Variants in UBXN2A observed in about 807,000 individuals in gnomAD.
UBXN2A encodes UBX domain protein 2A.
Under a neutral mutation model 28.4 loss-of-function variants are expected in UBXN2A, and 28 were observed. The ratio of observed to expected loss-of-function variants is 0.99; its 90% CI spans 0.73 to 1.35. UBXN2A has a LOEUF of 1.35. Ranked by LOEUF, UBXN2A falls within the 40% of genes most tolerant of loss-of-function variation. UBXN2A has a pLI of 0.00. For synonymous variants in UBXN2A, 97 were observed against 103.6 expected (o/e 0.94, Z 0.39); for missense variants, 253 against 297.9 (o/e 0.85, Z 1.11).
chr2:23,958,705 T>A (rs1484318867), intron 2 of UBXN2A, among the ~76,000 whole-genome samples: 3 of 152,250 alleles, frequency 2.0e-5, no homozygotes, highest in African/African-American at 7.2e-5. Flanking sequence ...AAACCTAGGC[T>A]TGAATCCCGT....
intron 6 of UBXN2A, chr2:23,996,989 T>A (rs1212662288): frequency 6.6e-6 from 1 of 152,168 alleles, no homozygotes. Flanking sequence ...CTGATTGCCA[T>A]AGCACACTAC....
chr2:23,970,196 ATTGG>A (rs2150865063), intron 2 of UBXN2A, among the ~76,000 whole-genome samples: 1 of 152,198 alleles, frequency 6.6e-6, no homozygotes, highest in Non-Finnish European at 1.5e-5. Flanking sequence ...AAGTGGGAAG[ATTGG>A]TTGAGCCCTG....
intron 6 of UBXN2A, among the ~76,000 whole-genome samples, chr2:23,996,501 A>T (rs1708538328): frequency 7.7e-6 from 1 of 129,608 alleles, no homozygotes; most frequent in African/African-American, 2.9e-5. Flanking sequence ...TTTAAGATAG[A>T]GTTTCGCTCT....
At chr2:23,963,558 C>T (rs1707032538) in intron 2 of UBXN2A, among the ~76,000 whole-genome samples, 1 of 151,590 alleles carries the variant, frequency 6.6e-6, no homozygotes, top group Non-Finnish European at 1.5e-5. Context: ...TGTTCAGTGT[C>T]ACTAGTAATC....
At position 23,983,807 on chromosome 2, in the gene UBXN2A, C is replaced by T. The variant is rs183606392; in HGVS notation, c.425+774C>T. On this transcript the variant is annotated intron_variant, in intron 5 of 6. Transcript: ENST00000309033. ...CCTCCTGCCTCAGCCCCTCTAGTAG[C>T]TGGGATTACAGGCATACACCACCAC... Among the ~76,000 whole-genome samples, 310 of 152,174 alleles carry T rather than the reference C, an allele frequency of 2.0e-3. 1 individual carries two copies. Among genetic ancestry groups the T allele is most frequent in the Non-Finnish European group, 3.5e-3 (238 of 68,008 alleles).
At chr2:23,982,517 G>A (rs1239218156) in intron 4 of UBXN2A, among the ~76,000 whole-genome samples, 1 of 151,278 alleles carries the variant, frequency 6.6e-6, no homozygotes, top group Admixed American at 6.6e-5. Context: ...CATGCTGGTT[G>A]GGGGGCAGTG....
intron 6 of UBXN2A, among the ~76,000 whole-genome samples, chr2:23,992,931 T>C (rs1708404553): frequency 6.6e-6 from 1 of 152,212 alleles, no homozygotes; most frequent in Admixed American, 6.5e-5. Context: ...TATTAGTTTC[T>C]GGTTTTGTGG....
intron 2 of UBXN2A, among the ~76,000 whole-genome samples, chr2:23,965,786 C>T (rs72798417): frequency 0.12 from 18,328 of 152,188 alleles, 1,196 homozygotes; most frequent in Middle Eastern, 0.21. Context: ...AGAGAATTGG[C>T]ATCATTTCTT....
At chr2:23,938,058 G>T (rs902005645), upstream of UBXN2A, among the ~76,000 whole-genome samples, 2 of 152,188 alleles carry the variant, frequency 1.3e-5, no homozygotes, top group Non-Finnish European at 2.9e-5. Flanking sequence ...TATGCTGTAA[G>T]TCATGGACCG....
At chr2:23,968,061 A>G (rs1707247365) in intron 2 of UBXN2A, among the ~76,000 whole-genome samples, 1 of 152,048 alleles carries the variant, frequency 6.6e-6, no homozygotes, top group Non-Finnish European at 1.5e-5. Flanking sequence ...TCACTCCTCA[A>G]GTGACTACAG....
At chr2:23,954,755 TC>T (rs1392997137) in intron 1 of UBXN2A, among the ~76,000 whole-genome samples, 6 of 150,790 alleles carry the variant, frequency 4.0e-5, no homozygotes, top group Non-Finnish European at 8.9e-5. Context: ...TTTTTGCATA[TC>T]TTTTTTTTTT....
upstream of UBXN2A, among the ~76,000 whole-genome samples, chr2:23,938,830 G>A (rs995860988): frequency 1.3e-5 from 2 of 152,136 alleles, no homozygotes; most frequent in Non-Finnish European, 2.9e-5. Flanking sequence ...TTTGACAAGG[G>A]AAGAATCCTC....
intron 1 of UBXN2A, among the ~76,000 whole-genome samples, chr2:23,946,539 T>C (rs1056622388): frequency 4.6e-5 from 7 of 151,632 alleles, no homozygotes; most frequent in Admixed American, 6.6e-5. Context: ...GCCAGGATGG[T>C]CTCCATCTCC....
rs140998712 is a variant in UBXN2A, at chr2:23,992,540, C to T, written c.585-7132C>T. ...ACCTCGGAAAGGAAGGTTTTATGAC[C>T]TACTTCAGAGGAAGGACAGATAATT... On this transcript the variant is annotated intron_variant, in intron 6 of 6. Transcript: ENST00000309033. Among the ~76,000 whole-genome samples, 135 of 152,284 alleles carry T rather than the reference C, an allele frequency of 8.9e-4. 1 individual carries two copies. In the East Asian group the frequency reaches 0.023, roughly 26 times the overall value.
At position 23,971,397 on chromosome 2, in the gene UBXN2A, G is replaced by A. The variant is rs772925376; in HGVS notation, c.163G>A (p.Ala55Thr). ...GGTTAGTTCCAAATGTGTGTCTCCC[G>A]CTGAACAGAAGAAACAGGTAAATAA... Reference protein sequence around the residue: ...QKVSSKCVSPAEQKKQVDVNI... With the variant: ...QKVSSKCVSPTEQKKQVDVNI... Residue 55 changes from alanine to threonine, a missense_variant, in exon 3 of 7, where the codon GCT becomes ACT. Coordinates refer to ENST00000309033, the MANE Select transcript of UBXN2A (RefSeq NM_181713.4). 1.6e-5 allele frequency: 24 copies of A among 1,547,326 alleles called. No homozygotes were observed. The African/African-American group carries it at 2.2e-4, about 14-fold the overall frequency.
At chr2:23,988,730 G>T (rs941756598) in intron 6 of UBXN2A, among the ~76,000 whole-genome samples, 75 of 152,010 alleles carry the variant, frequency 4.9e-4, no homozygotes, top group Non-Finnish European at 9.0e-4. Flanking sequence ...TACTTATGTT[G>T]CTCACAAGAC....
chr2:23,945,576 C>T (rs984992082), intron 1 of UBXN2A, among the ~76,000 whole-genome samples: 3 of 151,884 alleles, frequency 2.0e-5, no homozygotes, highest in African/African-American at 4.8e-5. Flanking sequence ...TCTTTTCCCT[C>T]GTGTTTAATA....
chr2:23,974,299 G>A (rs1251586293), intron 3 of UBXN2A, among the ~76,000 whole-genome samples: 2 of 150,176 alleles, frequency 1.3e-5, no homozygotes, highest in Non-Finnish European at 3.0e-5. Flanking sequence ...TTACAGACTT[G>A]AGCCACCGTG....
rs184506495 is a variant in UBXN2A, at chr2:23,962,588, T to G, written c.41+4233T>G. Among the ~76,000 whole-genome samples, 3 of 151,812 alleles carry G rather than the reference T, an allele frequency of 2.0e-5. No homozygotes were observed. In the East Asian group the frequency reaches 5.8e-4, roughly 29 times the overall value. ...GCAATTTACAAAAGTAAGAGGTTTT[T>G]TTTTCCTTTTTTTATTCTTTTTTTT... is the stretch of plus-strand genomic sequence containing the variant. On this transcript the variant is annotated intron_variant, in intron 2 of 6. Coordinates refer to ENST00000309033, the MANE Select transcript of UBXN2A (RefSeq NM_181713.4).
Sources: gnomAD v4.1 joint callset for allele counts (sites outside exome capture counted in the v4.1 genomes callset) on GRCh38, gnomAD v4.1.1 for gene constraint, MANE v1.5 for transcripts, NCBI Gene and HGNC (gene_info 2026-07-23, HGNC 2026-07-21) for gene names.